The following FSTL4 variants were observed in gnomAD, a reference collection of about 807,000 sequenced individuals.
The protein encoded by FSTL4 is follistatin like 4, also known as follistatin-related protein 4.
Under a neutral mutation model 78.2 loss-of-function variants are expected in FSTL4, and 28 were observed. The observed-to-expected ratio is 0.36, with a 90% CI of 0.27 to 0.49. The LOEUF (loss-of-function observed/expected upper bound fraction) is 0.49, where lower values mean the gene tolerates loss of function less well. Among genes scored for constraint, FSTL4 ranks in the 20% least tolerant of loss-of-function variants. The pLI, the probability that FSTL4 is intolerant of heterozygous loss-of-function variation, is 0.98. For synonymous variants in FSTL4, 422 were observed against 440.5 expected, an observed-to-expected ratio of 0.96 and a Z score of 0.53; for missense variants, 922 against 1,084.9, an observed-to-expected ratio of 0.85 and a Z score of 2.11.
intron 4 of FSTL4, among the ~76,000 whole-genome samples, chr5:133,335,121 A>G (rs1341923858): frequency 6.6e-6 from 1 of 152,188 alleles, no homozygotes; most frequent in African/African-American, 2.4e-5. Flanking sequence ...CCTCATGTTG[A>G]AGGCGTGGCT....
At chr5:133,446,507 C>T (rs1230594731) in intron 3 of FSTL4, among the ~76,000 whole-genome samples, 1 of 152,210 alleles carries the variant, frequency 6.6e-6, no homozygotes, top group Non-Finnish European at 1.5e-5. Context: ...CTGTGGGGCT[C>T]TCTTCTGCTC....
chr5:133,699,652 C>T, the FSTL4 span, among the ~76,000 whole-genome samples: 2 of 152,184 alleles, frequency 1.3e-5, no homozygotes, highest in African/African-American at 2.4e-5. Flanking sequence ...GAGGCCAAGG[C>T]GGGAGGATCA....
chr5:133,241,485 C>T (rs1444526871), intron 7 of FSTL4, among the ~76,000 whole-genome samples: 1 of 152,204 alleles, frequency 6.6e-6, no homozygotes, highest in Non-Finnish European at 1.5e-5. Context: ...AGGCTCATGC[C>T]AGAGACATTG....
intron 6 of FSTL4, among the ~76,000 whole-genome samples, chr5:133,281,745 C>T (rs1449030291): frequency 1.3e-5 from 2 of 152,164 alleles, no homozygotes; most frequent in Non-Finnish European, 2.9e-5. Flanking sequence ...AGGGCAGTCC[C>T]AGCCCCCAGG....
intron 3 of FSTL4, among the ~76,000 whole-genome samples, chr5:133,553,336 C>A (rs1759726623): frequency 6.6e-6 from 1 of 152,306 alleles, no homozygotes; most frequent in East Asian, 1.9e-4. Flanking sequence ...TATGGATGCG[C>A]CTGCTCTTCC....
chr5:133,491,434 C>T (rs907838878), intron 3 of FSTL4, among the ~76,000 whole-genome samples: 3 of 149,192 alleles, frequency 2.0e-5, no homozygotes, highest in African/African-American at 7.4e-5. Flanking sequence ...GAGTCTCACT[C>T]TGCTGCCCAG....
chr5:133,718,468 T>C, the FSTL4 span, among the ~76,000 whole-genome samples: 1 of 152,230 alleles, frequency 6.6e-6, no homozygotes, highest in Non-Finnish European at 1.5e-5. Context: ...CTTCACACAC[T>C]ACACACATGT....
chr5:133,312,655 G>C lies in FSTL4; in HGVS notation c.726C>G (p.Phe242Leu), dbSNP rs778501570. ...TTTTCCCACTGGGACCCAACTTACG[G>C]AAGGCCATGTAGAACTCGCGGAGGG... ...SLTLREFYMA[F>L]QVVQLSLAPE... Residue 242 changes from phenylalanine (F) to leucine (L), a missense_variant and splice_region_variant, in exon 6 of 16, where the codon TTC (phenylalanine) becomes TTG (leucine). Phe to Leu is a conservative substitution (Grantham distance 22). Coordinates refer to ENST00000265342, the MANE Select transcript of FSTL4 (RefSeq NM_015082.2). 6.2e-7 allele frequency: 1 copy of C among 1,613,986 alleles called. No homozygotes were observed. Among genetic ancestry groups the C allele is most frequent in the East Asian group, 2.2e-5 (1 of 44,886 alleles).
chr5:133,297,919 G>C (rs1753441656), intron 6 of FSTL4, among the ~76,000 whole-genome samples: 1 of 152,216 alleles, frequency 6.6e-6, no homozygotes, highest in Non-Finnish European at 1.5e-5. Flanking sequence ...ATCTGGACCA[G>C]CAGTCCTCTA....
At chr5:133,828,908 T>C in the FSTL4 span, among the ~76,000 whole-genome samples, 13 of 152,330 alleles carry the variant, frequency 8.5e-5, no homozygotes, top group South Asian at 6.2e-4. Flanking sequence ...TCAATTTGCG[T>C]TGGCATAATA....
At chr5:133,490,087 T>C (rs1170083358) in intron 3 of FSTL4, among the ~76,000 whole-genome samples, 4 of 152,186 alleles carry the variant, frequency 2.6e-5, no homozygotes, top group African/African-American at 7.2e-5. Flanking sequence ...TTACCTGCTC[T>C]GGTTTACATG....
At chr5:133,790,057 C>G in the FSTL4 span, among the ~76,000 whole-genome samples, 137 of 152,294 alleles carry the variant, frequency 9.0e-4, no homozygotes, top group African/African-American at 3.2e-3. Flanking sequence ...TCCATGCTCT[C>G]CACCTCTGGT....
chr5:133,427,791 G>C (rs1756856535), intron 3 of FSTL4: 3 of 442,640 alleles, frequency 6.8e-6, no homozygotes, highest in Admixed American at 4.0e-5. Flanking sequence ...GGACAGACAA[G>C]GCTTTGGTTC....
the FSTL4 span, among the ~76,000 whole-genome samples, chr5:133,827,831 A>G: frequency 2.0e-5 from 3 of 152,006 alleles, no homozygotes; most frequent in Non-Finnish European, 2.9e-5. Context: ...AGCATGAGGC[A>G]TGGGCACAAC....
chr5:133,520,953 A>T (rs772791099), intron 3 of FSTL4, among the ~76,000 whole-genome samples: 3 of 152,174 alleles, frequency 2.0e-5, no homozygotes, highest in Admixed American at 1.3e-4. Flanking sequence ...AAGAAGCACC[A>T]TGTAAGGAAA....
chr5:133,295,550 T>C (rs1581599817), intron 6 of FSTL4, among the ~76,000 whole-genome samples: 3 of 152,324 alleles, frequency 2.0e-5, no homozygotes, highest in African/African-American at 7.2e-5. Context: ...CTTCATTTAG[T>C]TTCTCCAGTT....
the FSTL4 span, among the ~76,000 whole-genome samples, chr5:133,647,953 T>C: frequency 2.0e-5 from 3 of 152,286 alleles, no homozygotes; most frequent in South Asian, 2.1e-4. Flanking sequence ...GTTCTCATGA[T>C]AGTCAATAAG....
intron 4 of FSTL4, among the ~76,000 whole-genome samples, chr5:133,324,015 C>T (rs183540416): frequency 6.6e-6 from 1 of 152,322 alleles, no homozygotes; most frequent in African/African-American, 2.4e-5. Flanking sequence ...AGAACAGGCA[C>T]ATCCACATTT....
chr5:133,726,887 A>T, the FSTL4 span, among the ~76,000 whole-genome samples: 7 of 152,264 alleles, frequency 4.6e-5, no homozygotes, highest in Non-Finnish European at 1.0e-4. Context: ...CACATGCAAG[A>T]TAAAGCTCTG....
Sources: gnomAD v4.1 joint callset for allele counts (sites outside exome capture counted in the v4.1 genomes callset) on GRCh38, gnomAD v4.1.1 for gene constraint, MANE v1.5 for transcripts, NCBI Gene and HGNC (gene_info 2026-07-23, HGNC 2026-07-21) for gene names.